Variants in MX1 observed in about 807,000 individuals in gnomAD.
MX1 encodes the protein MX dynamin like GTPase 1.
In MX1, 66 loss-of-function variants were observed where a neutral mutation model predicts 66.4. The observed-to-expected ratio is 0.99, with a 90% CI of 0.82 to 1.22. MX1 has a LOEUF of 1.22. Ranked by LOEUF, MX1 falls within the 50% of genes most tolerant of loss-of-function variation. The probability of loss-of-function intolerance (pLI) is 0.00; values close to 1 mark genes in which losing one functional copy is unlikely to be tolerated. For missense variants in MX1, 787 were observed against 834.3 expected, an observed-to-expected ratio of 0.94 and a Z score of 0.70; for synonymous variants, 311 against 318.1, an observed-to-expected ratio of 0.98 and a Z score of 0.24.
Position 41,432,056 on chromosome 21 carries a change from T to C in MX1, c.-15T>C. 6.2e-7 allele frequency: 1 copy of C among 1,613,618 alleles called. No homozygotes were observed. Among genetic ancestry groups the C allele is most frequent in the Non-Finnish European group, 8.5e-7 (1 of 1,179,822 alleles). Reference sequence around the variant, plus strand: ...GCATCTGCTTTATTTTAAGCTTACTTTGCAAAGAAGGAAGATGGTTGTTTC... The same window carrying C: ...GCATCTGCTTTATTTTAAGCTTACTCTGCAAAGAAGGAAGATGGTTGTTTC... On this transcript the variant is annotated 5_prime_UTR_variant, in exon 5 of 17. Coordinates refer to ENST00000398598, the MANE Select transcript of MX1 (RefSeq NM_002462.5).
In MX1 at chr21:41,432,075, T is replaced by C. The variant is rs2090229589; in HGVS notation, c.5T>C (p.Val2Ala). ...CTTACTTTGCAAAGAAGGAAGATGG[T>C]TGTTTCCGAAGTGGACATCGCAAAA... M[V>A]VSEVDIAKAD... is the part of the protein sequence containing the mutation. Residue 2 changes from valine to alanine, a missense_variant, in exon 5 of 17, where the codon GTT (valine) becomes GCT (alanine). Coordinates refer to ENST00000398598, the MANE Select transcript of MX1 (RefSeq NM_002462.5). The C allele has an allele frequency of 6.2e-7, 1 of 1,613,960 alleles. No individual in the cohort carries two copies. The highest frequency in any genetic ancestry group is 1.3e-5 in the African/African-American group (1 of 74,926).
At chr21:41,447,513 A>T (rs1460190570) in intron 13 of MX1, among the ~76,000 whole-genome samples, 1 of 152,150 alleles carries the variant, frequency 6.6e-6, no homozygotes, top group Non-Finnish European at 1.5e-5. Context: ...TGAGTGAAAG[A>T]AGCCAGCCAC....
At chr21:41,436,177 T>G (rs2090355254) in intron 6 of MX1, 148 bp downstream of exon 6, 3 of 940,338 alleles carry the variant, frequency 3.2e-6, no homozygotes, top group Non-Finnish European at 4.6e-6. Flanking sequence ...GAGGCCTTTC[T>G]CCATGGCTTG....
At chr21:41,431,481 A>AT (rs57746167) in intron 4 of MX1, among the ~76,000 whole-genome samples, 52,846 of 148,038 alleles carry the variant, frequency 0.36, 9,489 homozygotes, top group East Asian at 0.5. Context: ...GGCATATTCT[A>AT]TTTTTTTTTT....
intron 16 of MX1, among the ~76,000 whole-genome samples, chr21:41,457,515 A>C (rs1303185504): frequency 6.6e-6 from 1 of 152,216 alleles, no homozygotes; most frequent in Non-Finnish European, 1.5e-5. Context: ...AGATGGCAGC[A>C]GAGGTCCCAG....
chr21:41,443,602 A>C (rs113825915), intron 10 of MX1, 186 bp from the exon 11 acceptor site: 6 of 628,984 alleles, frequency 9.5e-6, no homozygotes, highest in African/African-American at 7.3e-5. Context: ...GAAATATCCT[A>C]GATTGCTAAA....
upstream of MX1, among the ~76,000 whole-genome samples, chr21:41,424,226 A>T (rs1400470434): frequency 6.8e-6 from 1 of 146,214 alleles, no homozygotes; most frequent in African/African-American, 2.6e-5. Context: ...AGAGGGGTTG[A>T]GTGTGTGTGT....
chr21:41,429,308 C>T (rs1332543226), intron 3 of MX1: 1 of 152,150 alleles, frequency 6.6e-6, no homozygotes, highest in African/African-American at 2.4e-5. Flanking sequence ...AGACAAAACC[C>T]ATAAGGTTTA....
intron 16 of MX1, among the ~76,000 whole-genome samples, chr21:41,454,601 C>T (rs1424672134): frequency 1.3e-5 from 2 of 152,182 alleles, no homozygotes; most frequent in African/African-American, 4.8e-5. Flanking sequence ...TAAATGGAAG[C>T]TATCGCGTAG....
rs112605503 is a variant in MX1 at position 41,445,925 on chromosome 21, G to A, written c.1132-75G>A. The A allele has an allele frequency of 2.2e-5, 34 of 1,571,678 alleles. No homozygotes were observed. The African/African-American group carries it at 3.2e-4, about 15-fold the overall frequency. ...AGAATGACTCCCCACCCTCCACATA[G>A]GCACGGCCTCCAAATGACCTTGACA... On this transcript the variant is annotated intron_variant, in intron 12 of 16. Transcript: ENST00000398598.
chr21:41,430,892 G>A (rs2090191406), intron 4 of MX1, among the ~76,000 whole-genome samples: 1 of 152,198 alleles, frequency 6.6e-6, no homozygotes, highest in Non-Finnish European at 1.5e-5. Context: ...TCAAAAGAAA[G>A]AGCATAAAAG....
Position 41,439,712 on chromosome 21 carries a change from G to A in MX1, c.455G>A (p.Gly152Glu). The A allele has an allele frequency of 6.2e-7, 1 of 1,613,832 alleles. No homozygotes were observed. Among genetic ancestry groups the A allele is most frequent in the African/African-American group, 1.3e-5 (1 of 74,998 alleles). ...TTTCTAGCCCAGAATGCCATCGCCG[G>A]GGAAGGAATGGGAATCAGTCATGAG... ...EINKAQNAIA[G>E]EGMGISHELI... is the part of the protein sequence containing the mutation. Residue 152 changes from glycine to glutamate, a missense_variant, in exon 8 of 17, where the codon GGG (glycine) becomes GAG (glutamate). Physicochemically the swap from Gly to Glu is moderately conservative, Grantham distance 98. Coordinates refer to ENST00000398598, the MANE Select transcript of MX1 (RefSeq NM_002462.5).
chr21:41,450,313 C>T (rs1296391944), intron 14 of MX1, among the ~76,000 whole-genome samples: 1 of 152,100 alleles, frequency 6.6e-6, no homozygotes, highest in Non-Finnish European at 1.5e-5. Flanking sequence ...GCTTTGCTTT[C>T]TTGGTTTTCC....
intron 14 of MX1, among the ~76,000 whole-genome samples, chr21:41,450,071 C>A (rs2090781833): frequency 6.6e-6 from 1 of 152,122 alleles, no homozygotes; most frequent in African/African-American, 2.4e-5. Context: ...GGGACAAAGA[C>A]AAAATATTTA....
In MX1 at chr21:41,441,685, C is replaced by T. The variant is rs200521693; in HGVS notation, c.731-31C>T. 3,994 of 1,611,936 alleles carry T rather than the reference C, an allele frequency of 2.5e-3. 8 individuals carry two copies. Among genetic ancestry groups the T allele is most frequent in the Admixed American group, 3.8e-3 (226 of 60,018 alleles). ...TTCACCTCTGCCTCGTGACTGAGCA[C>T]GTTCTCTCCCCAAATACATCTGGCT... On this transcript the variant is annotated intron_variant, in intron 9 of 16. Coordinates refer to ENST00000398598, the MANE Select transcript of MX1 (RefSeq NM_002462.5). This position sits in a 1 kb window ranked among gnomAD's most constrained non-coding sequence, Gnocchi z 4.0.
intron 13 of MX1, among the ~76,000 whole-genome samples, chr21:41,448,730 C>A (rs891149810): frequency 6.6e-6 from 1 of 151,992 alleles, no homozygotes; most frequent in Non-Finnish European, 1.5e-5. Context: ...GGCGTGAACC[C>A]GGGAGGCAGA....
At chr21:41,439,125 C>T (rs1310058201) in intron 7 of MX1, among the ~76,000 whole-genome samples, 2 of 149,928 alleles carry the variant, frequency 1.3e-5, no homozygotes, top group African/African-American at 5.0e-5. Context: ...TATCAAACAT[C>T]CCAAAAAGGC....
At chr21:41,446,733 C>T (rs1429130558) in intron 13 of MX1, among the ~76,000 whole-genome samples, 6 of 152,188 alleles carry the variant, frequency 3.9e-5, no homozygotes, top group Non-Finnish European at 7.3e-5. Flanking sequence ...TGCCATTATG[C>T]GGGCAGAGTG....
intron 16 of MX1, among the ~76,000 whole-genome samples, chr21:41,457,011 C>A (rs1185503656): frequency 6.6e-6 from 1 of 152,256 alleles, no homozygotes; most frequent in Non-Finnish European, 1.5e-5. Flanking sequence ...CCATCCGCCT[C>A]AGTCTACCAA....
Sources: allele counts gnomAD v4.1 joint callset (sites outside exome capture counted in the v4.1 genomes callset), GRCh38; gene constraint gnomAD v4.1.1; non-coding constraint Gnocchi (gnomAD v3.1); transcripts MANE v1.5; gene names NCBI Gene and HGNC (gene_info 2026-07-23, HGNC 2026-07-21).